Variants in CNDP2 observed in about 807,000 individuals in gnomAD.
CNDP2 encodes the protein cytosolic non-specific dipeptidase.
A neutral mutation model predicts 55.0 loss-of-function variants in CNDP2; 38 were observed. The observed-to-expected ratio is 0.69, with a 90% CI of 0.53 to 0.90. The LOEUF is 0.90. Ranked by LOEUF, CNDP2 falls within the 40% of genes least tolerant of loss-of-function variation. The pLI, the probability that CNDP2 is intolerant of heterozygous loss-of-function variation, is 0.00. For synonymous variants in CNDP2, 241 were observed against 260.2 expected (o/e 0.93, Z 0.71); for missense variants, 607 against 621.7 (o/e 0.98, Z 0.25).
chr18:74,513,435 A>T, intron 7 of CNDP2, 124 bp from the exon 8 acceptor site: 1 of 1,022,830 alleles, frequency 9.8e-7, no homozygotes, highest in Non-Finnish European at 1.4e-6. Flanking sequence ...CTCCTCAGCC[A>T]CGTGGCTGTG....
At position 74,501,260 on chromosome 18, in the gene CNDP2, G is replaced by C. The variant is rs561623931; in HGVS notation, c.61-69G>C. ...GAGGGTGAGCCTGGAATGTGGCAAC[G>C]TTACGGGAGCCTCTTCTCCCTCAAG... On this transcript the variant is annotated intron_variant, in intron 2 of 11. Coordinates refer to ENST00000324262, the MANE Select transcript of CNDP2 (RefSeq NM_018235.3). 3.1e-5 allele frequency: 48 copies of C among 1,552,922 alleles called. 2 individuals carry two copies. The South Asian group carries it at 5.6e-4, about 18-fold the overall frequency.
At chr18:74,506,169 T>C (rs1979013514) in intron 4 of CNDP2, 158 bp downstream of exon 4, 1 of 644,946 alleles carries the variant, frequency 1.6e-6, no homozygotes, top group Non-Finnish European at 2.2e-6. Context: ...AGTCTCACTC[T>C]GTAGCTCAGG....
chr18:74,501,591 CA>C, intron 3 of CNDP2, 119 bp downstream of exon 3: 3 of 1,321,058 alleles, frequency 2.3e-6, no homozygotes, highest in South Asian at 3.1e-5. Context: ...ACCTTTAAAA[CA>C]AAAAAGGAAG....
At chr18:74,502,496 G>GT (rs1355330212) in intron 3 of CNDP2, among the ~76,000 whole-genome samples, 2 of 149,822 alleles carry the variant, frequency 1.3e-5, no homozygotes, top group Non-Finnish European at 3.0e-5. Flanking sequence ...TCGGGATGGG[G>GT]TTTCACCATG....
intron 5 of CNDP2, among the ~76,000 whole-genome samples, chr18:74,510,267 C>A (rs1210862902): frequency 1.3e-5 from 2 of 152,224 alleles, no homozygotes; most frequent in Non-Finnish European, 2.9e-5. Flanking sequence ...TGTTCTTTAG[C>A]CTGCCTGGCC....
chr18:74,515,811 A>G (rs954496469), intron 8 of CNDP2, among the ~76,000 whole-genome samples: 6 of 152,062 alleles, frequency 3.9e-5, no homozygotes, highest in African/African-American at 9.7e-5. Flanking sequence ...CCTGTGTCCC[A>G]TGGGCCTGGG....
At chr18:74,501,542 CA>C in intron 3 of CNDP2, 70 bp downstream of exon 3, 1 of 1,515,072 alleles carries the variant, frequency 6.6e-7, no homozygotes, top group Non-Finnish European at 8.9e-7. Context: ...CAAGACGCCA[CA>C]AGTTCTTAAA....
Position 74,516,309 on chromosome 18 carries a change from A to G in CNDP2, c.985A>G (p.Lys329Glu), listed in dbSNP as rs780493850. 5 of 1,614,018 alleles carry G rather than the reference A, an allele frequency of 3.1e-6. No homozygotes were observed. The highest frequency in any genetic ancestry group is 2.5e-6 in the Non-Finnish European group (3 of 1,180,010). The change falls in exon 9 of 12, where the codon AAG becomes GAG. Residue 329 changes from lysine to glutamate, a missense_variant. Coordinates refer to ENST00000324262, the MANE Select transcript of CNDP2 (RefSeq NM_018235.3). ...AGGCGCCTTCTCTGGGTCTGGGGCCAAGACCGTGATTCCCAGGAAGGTGGT... is the reference window on the plus strand; with the variant it reads ...AGGCGCCTTCTCTGGGTCTGGGGCCGAGACCGTGATTCCCAGGAAGGTGGT... Reference protein sequence around the residue: ...IEGAFSGSGAKTVIPRKVVGK... With the variant: ...IEGAFSGSGAETVIPRKVVGK...
At chr18:74,500,059 C>T (rs1978609565) in intron 2 of CNDP2, 26 bp downstream of exon 2, 1 of 1,593,138 alleles carries the variant, frequency 6.3e-7, no homozygotes, top group African/African-American at 1.3e-5. Context: ...TTTTAGGAAA[C>T]AGTAAAATCT....
chr18:74,501,075 G>GTT, intron 2 of CNDP2: 20 of 785,060 alleles, frequency 2.5e-5, no homozygotes, highest in East Asian at 5.5e-5. Flanking sequence ...TCACTTCCTT[G>GTT]TTTTTTTTTT....
chr18:74,506,564 A>T (rs1979037678), intron 4 of CNDP2, among the ~76,000 whole-genome samples: 1 of 152,150 alleles, frequency 6.6e-6, no homozygotes, highest in Admixed American at 6.5e-5. Flanking sequence ...GGCTTCCTCT[A>T]CTGCTGATGC....
In CNDP2 at chr18:74,510,901, A is replaced by G. The variant is rs1177920543; in HGVS notation, c.545A>G (p.Asp182Gly). The part of the protein sequence containing the change: ...GLDELIFARK[D>G]TFFKDVDYVC... The stretch of plus-strand genomic sequence containing the variant: ...GACGAGCTGATTTTTGCCCGGAAAG[A>G]CACATTCTTTAAGGATGTGGACTAT... Residue 182 changes from aspartate to glycine, a missense_variant, in exon 6 of 12, where the codon GAC (aspartate) becomes GGC (glycine). Coordinates refer to ENST00000324262, the MANE Select transcript of CNDP2 (RefSeq NM_018235.3). 1.2e-6 allele frequency: 2 copies of G among 1,613,994 alleles called. No individual in the cohort carries two copies. Among genetic ancestry groups the G allele is most frequent in the Non-Finnish European group, 1.7e-6 (2 of 1,179,996 alleles).
chr18:74,512,649 C>A, intron 7 of CNDP2, 117 bp downstream of exon 7: 2 of 802,366 alleles, frequency 2.5e-6, no homozygotes, highest in South Asian at 1.8e-5. Context: ...CAACTTCTGT[C>A]TCAGTTTCCT....
intron 5 of CNDP2, among the ~76,000 whole-genome samples, chr18:74,509,854 A>T (rs2144594340): frequency 6.6e-6 from 1 of 152,360 alleles, no homozygotes; most frequent in South Asian, 2.1e-4. Context: ...TGACATAAGA[A>T]TAAGATAAGC....
At chr18:74,511,776 C>T (rs1020666532) in intron 6 of CNDP2, among the ~76,000 whole-genome samples, 3 of 152,064 alleles carry the variant, frequency 2.0e-5, no homozygotes, top group Non-Finnish European at 4.4e-5. Context: ...CTAGATTCTG[C>T]CACTCACTGG....
intron 11 of CNDP2, among the ~76,000 whole-genome samples, chr18:74,519,501 G>A (rs1979928682): frequency 6.6e-6 from 1 of 152,222 alleles, no homozygotes; most frequent in Non-Finnish European, 1.5e-5. Flanking sequence ...GCCAGCCTTG[G>A]GAGCAGGAGG....
At chr18:74,508,982 C>A in intron 5 of CNDP2, 54 bp downstream of exon 5, 2 of 1,417,946 alleles carry the variant, frequency 1.4e-6, no homozygotes, top group Non-Finnish European at 2.0e-6. Flanking sequence ...CTGAGCCATA[C>A]AAAGACAGGC....
At chr18:74,516,692 A>G (rs1979690562) in intron 9 of CNDP2, 1 of 280,770 alleles carries the variant, frequency 3.6e-6, no homozygotes, top group Admixed American at 4.9e-5. Context: ...AGAGTCCCAG[A>G]GCCGCCCCTT....
intron 3 of CNDP2, among the ~76,000 whole-genome samples, chr18:74,502,325 A>G (rs560158483): frequency 1.3e-5 from 2 of 152,332 alleles, no homozygotes; most frequent in South Asian, 4.1e-4. Flanking sequence ...AGAAACTGCA[A>G]CTTTAAGCAA....
Sources: gnomAD v4.1 joint callset for allele counts (sites outside exome capture counted in the v4.1 genomes callset) on GRCh38, gnomAD v4.1.1 for gene constraint, MANE v1.5 for transcripts, NCBI Gene and HGNC (gene_info 2026-07-23, HGNC 2026-07-21) for gene names.